Variants in CTNNBL1 observed in about 807,000 individuals in gnomAD.
The protein encoded by CTNNBL1 is catenin beta like 1.
CTNNBL1 carries 31 observed loss-of-function variants against 72.7 expected under a neutral mutation model. The observed-to-expected ratio is 0.43, with a 90% CI of 0.32 to 0.58. The LOEUF is 0.58. Among genes scored for constraint, CTNNBL1 ranks in the 20% least tolerant of loss-of-function variants. The probability of loss-of-function intolerance (pLI) is 0.08; values close to 1 mark genes in which losing one functional copy is unlikely to be tolerated. For missense variants in CTNNBL1, 534 were observed against 725.1 expected (o/e 0.74, Z 3.03); for synonymous variants, 240 against 267.3 (o/e 0.90, Z 1.00).
intron 10 of CTNNBL1, among the ~76,000 whole-genome samples, chr20:37,796,648 G>C (rs1272355471): frequency 1.3e-5 from 2 of 152,076 alleles, no homozygotes; most frequent in Non-Finnish European, 1.5e-5. Context: ...TCACATATCA[G>C]GCCTCAGTCA....
In CTNNBL1 at chr20:37,871,967, G is replaced by A. The variant is rs201887283; in HGVS notation, c.1646G>A (p.Arg549Gln). The stretch of plus-strand genomic sequence containing the variant: ...GGGGACGGCCGGAGCCCGGAGTTCC[G>A]GGAGAACGAGCAAAAGCGCATCCTG... Reference protein sequence around the residue: ...NIGDGRSPEFRENEQKRILGL... With the variant: ...NIGDGRSPEFQENEQKRILGL... The change falls in exon 16 of 16, where the codon CGG (arginine) becomes CAG (glutamine). Residue 549 changes from arginine to glutamine, a missense_variant. Coordinates refer to ENST00000361383, the MANE Select transcript of CTNNBL1 (RefSeq NM_030877.5). 121 of 1,614,068 alleles carry A rather than the reference G, an allele frequency of 7.5e-5. No individual in the cohort carries two copies. The highest frequency in any genetic ancestry group is 6.7e-4 in the East Asian group (30 of 44,876).
chr20:37,739,528 G>C (rs1428083968), intron 3 of CTNNBL1, among the ~76,000 whole-genome samples: 1 of 152,062 alleles, frequency 6.6e-6, no homozygotes, highest in Non-Finnish European at 1.5e-5. Context: ...TATTTCCATA[G>C]GATAGATACC....
At chr20:37,755,104 A>G (rs759343580) in intron 4 of CTNNBL1, among the ~76,000 whole-genome samples, 13 of 152,166 alleles carry the variant, frequency 8.5e-5, no homozygotes, top group Non-Finnish European at 1.6e-4. Context: ...ACCACAGGCC[A>G]GAGATCTTAA....
intron 13 of CTNNBL1, among the ~76,000 whole-genome samples, chr20:37,853,406 A>C (rs1025791623): frequency 2.0e-5 from 3 of 152,176 alleles, no homozygotes; most frequent in Non-Finnish European, 4.4e-5. Context: ...TTTTTCTAGA[A>C]CTTTTACATT....
At chr20:37,754,837 T>A (rs2073349702) in intron 4 of CTNNBL1, among the ~76,000 whole-genome samples, 1 of 151,968 alleles carries the variant, frequency 6.6e-6, no homozygotes, top group South Asian at 2.1e-4. Flanking sequence ...AGACAGGGTC[T>A]CGCTTTATCA....
intron 11 of CTNNBL1, among the ~76,000 whole-genome samples, chr20:37,804,477 C>T (rs1012751978): frequency 6.6e-6 from 1 of 152,002 alleles, no homozygotes; most frequent in East Asian, 1.9e-4. Flanking sequence ...ACTAGGTGTG[C>T]GACTTTGGAA....
intron 13 of CTNNBL1, among the ~76,000 whole-genome samples, chr20:37,850,714 C>T (rs898193447): frequency 6.6e-6 from 1 of 152,182 alleles, no homozygotes; most frequent in Admixed American, 6.5e-5. Flanking sequence ...TTCCCTCTCC[C>T]GTGGTTCAAG....
chr20:37,851,807 A>G (rs987968545), intron 13 of CTNNBL1, among the ~76,000 whole-genome samples: 2 of 152,226 alleles, frequency 1.3e-5, no homozygotes, highest in Admixed American at 6.5e-5. Flanking sequence ...TAAGGACTCG[A>G]GAAATTTCAC....
At chr20:37,823,748 C>T (rs1852367089) in intron 11 of CTNNBL1, among the ~76,000 whole-genome samples, 1 of 152,160 alleles carries the variant, frequency 6.6e-6, no homozygotes, top group South Asian at 2.1e-4. Context: ...GTTCGGCTCT[C>T]CTGCACCAGG....
chr20:37,696,169 T>G (rs913576919), intron 1 of CTNNBL1, among the ~76,000 whole-genome samples: 1 of 152,204 alleles, frequency 6.6e-6, no homozygotes, highest in Non-Finnish European at 1.5e-5. Flanking sequence ...TATACAACAC[T>G]GAATAAAAGA....
intron 7 of CTNNBL1, among the ~76,000 whole-genome samples, chr20:37,776,722 G>T (rs1399520472): frequency 6.6e-6 from 1 of 152,128 alleles, no homozygotes; most frequent in Non-Finnish European, 1.5e-5. Context: ...CATGCAGCGG[G>T]GAAAGAATTG....
intron 11 of CTNNBL1, among the ~76,000 whole-genome samples, chr20:37,822,245 C>T (rs2072114520): frequency 6.6e-6 from 1 of 152,130 alleles, no homozygotes; most frequent in African/African-American, 2.4e-5. Flanking sequence ...TGGGTGTCTT[C>T]CCTGAACAGA....
At chr20:37,755,158 ACCGAAT>A (rs1375980650) in intron 4 of CTNNBL1, among the ~76,000 whole-genome samples, 18 of 152,272 alleles carry the variant, frequency 1.2e-4, no homozygotes, top group African/African-American at 4.3e-4. Flanking sequence ...TAGTGCTTAC[ACCGAAT>A]CTTATAATGC....
At chr20:37,722,473 A>AAAAT (rs60211876) in intron 1 of CTNNBL1, among the ~76,000 whole-genome samples, 6,582 of 142,216 alleles carry the variant, frequency 0.046, 201 homozygotes, top group East Asian at 0.091. Context: ...GGCTCCGTCT[A>AAAAT]AAATAAATAA....
chr20:37,854,862 T>C (rs2072425802), intron 13 of CTNNBL1, among the ~76,000 whole-genome samples: 1 of 152,016 alleles, frequency 6.6e-6, no homozygotes, highest in Non-Finnish European at 1.5e-5. Context: ...GTGCTAGGAT[T>C]ACACGTGTGA....
chr20:37,859,834 A>G (rs945107024), intron 13 of CTNNBL1, 65 bp from the exon 14 acceptor site: 6 of 1,553,642 alleles, frequency 3.9e-6, no homozygotes, highest in Admixed American at 1.7e-5. Flanking sequence ...TGGCCAGACT[A>G]GGAGTCCATT....
intron 1 of CTNNBL1, among the ~76,000 whole-genome samples, chr20:37,702,394 T>G (rs1227706901): frequency 6.6e-6 from 1 of 152,172 alleles, no homozygotes; most frequent in Non-Finnish European, 1.5e-5. Flanking sequence ...TTGTTGTTGT[T>G]GTGTGTATAA....
At chr20:37,749,878 A>G (rs1308180425) in intron 4 of CTNNBL1, 2 of 152,162 alleles carry the variant, frequency 1.3e-5, no homozygotes, top group South Asian at 4.1e-4. Flanking sequence ...ACGGTTGTTA[A>G]CAATTTACTG....
At chr20:37,856,688 C>T (rs924813200) in intron 13 of CTNNBL1, among the ~76,000 whole-genome samples, 3 of 152,044 alleles carry the variant, frequency 2.0e-5, no homozygotes, top group African/African-American at 7.3e-5. Flanking sequence ...CGCCCTGAAA[C>T]CTTACCCAAA....
Sources: allele counts gnomAD v4.1 joint callset (sites outside exome capture counted in the v4.1 genomes callset), GRCh38; gene constraint gnomAD v4.1.1; transcripts MANE v1.5; gene names NCBI Gene and HGNC (gene_info 2026-07-23, HGNC 2026-07-21).